The following PIBF1 variants were observed in gnomAD, a reference collection of about 807,000 sequenced individuals.
PIBF1 encodes progesterone immunomodulatory binding factor 1.
A neutral mutation model predicts 112.5 loss-of-function variants in PIBF1; 90 were observed. The ratio of observed to expected loss-of-function variants is 0.80; its 90% CI spans 0.67 to 0.95. PIBF1 has a LOEUF of 0.95. Ranked by LOEUF, PIBF1 falls within the 40% of genes least tolerant of loss-of-function variation. The pLI is 0.00. For missense variants in PIBF1, 915 were observed against 852.3 expected (o/e 1.07, Z -0.92); for synonymous variants, 301 against 288.6 (o/e 1.04, Z -0.44).
At chr13:73,011,232 A>G (rs1433113038) in intron 17 of PIBF1, among the ~76,000 whole-genome samples, 16 of 152,186 alleles carry the variant, frequency 1.1e-4, no homozygotes, top group Non-Finnish European at 1.5e-5. Context: ...CAGAGCAAAA[A>G]ATCCCATGGA....
chr13:72,985,426 G>T (rs1255170115), intron 16 of PIBF1, among the ~76,000 whole-genome samples: 1 of 148,434 alleles, frequency 6.7e-6, no homozygotes, highest in East Asian at 2.0e-4. Flanking sequence ...TGTAGTCCCA[G>T]CTACTTGGGA....
At chr13:72,951,048 C>G (rs1241179202) in intron 14 of PIBF1, among the ~76,000 whole-genome samples, 1 of 152,158 alleles carries the variant, frequency 6.6e-6, no homozygotes, top group Non-Finnish European at 1.5e-5. Context: ...AGGCAAAAAG[C>G]AATCAGATAT....
intron 14 of PIBF1, among the ~76,000 whole-genome samples, chr13:72,939,871 C>T (rs1167404975): frequency 6.6e-6 from 1 of 152,110 alleles, no homozygotes; most frequent in East Asian, 1.9e-4. Context: ...CTGCTTCACT[C>T]CCTTCTAGTT....
At chr13:72,914,160 C>T (rs912334026) in intron 12 of PIBF1, among the ~76,000 whole-genome samples, 6 of 152,064 alleles carry the variant, frequency 3.9e-5, no homozygotes, top group Admixed American at 6.6e-5. Context: ...TTTTCAAAGG[C>T]TTGCCATTTA....
chr13:72,877,645 A>G (rs965054331), intron 10 of PIBF1, among the ~76,000 whole-genome samples: 1 of 152,204 alleles, frequency 6.6e-6, no homozygotes, highest in South Asian at 2.1e-4. Context: ...CATTTTGTCT[A>G]ATTTATGAAG....
chr13:72,799,937 G>T (rs1187099649), intron 5 of PIBF1, among the ~76,000 whole-genome samples: 1 of 152,116 alleles, frequency 6.6e-6, no homozygotes, highest in Non-Finnish European at 1.5e-5. Context: ...AGAGTTTGTG[G>T]TTTTTCTGCC....
chr13:72,819,112 G>A (rs1181389251), intron 5 of PIBF1, among the ~76,000 whole-genome samples: 1 of 152,052 alleles, frequency 6.6e-6, no homozygotes, highest in Non-Finnish European at 1.5e-5. Flanking sequence ...AAAGAGTCTC[G>A]CCCTCAAGGG....
At chr13:72,970,428 C>T (rs142866628) in intron 15 of PIBF1, 12 of 152,288 alleles carry the variant, frequency 7.9e-5, no homozygotes, top group African/African-American at 2.9e-4. Context: ...TGTCAGTTCT[C>T]AGTTTATTCT....
intron 12 of PIBF1, among the ~76,000 whole-genome samples, chr13:72,914,437 A>G (rs1296132033): frequency 6.6e-6 from 1 of 151,456 alleles, no homozygotes; most frequent in Non-Finnish European, 1.5e-5. Flanking sequence ...CATCCTCATC[A>G]TACTTATAAC....
chr13:72,988,944 A>C (rs537373637), intron 16 of PIBF1, among the ~76,000 whole-genome samples: 38 of 152,310 alleles, frequency 2.5e-4, no homozygotes, highest in African/African-American at 8.7e-4. Flanking sequence ...AGGCTGAGGC[A>C]GGAGAATCAC....
Position 72,978,006 on chromosome 13 carries a change from T to C in PIBF1, c.2049+4331T>C, listed in dbSNP as rs536559963. On this transcript the variant is annotated intron_variant, in intron 16 of 17. Coordinates refer to ENST00000326291, the MANE Select transcript of PIBF1 (RefSeq NM_006346.4). ...GGTAAATATATTAGGTTAAAGGATT[T>C]ACACAACAAATACTAACTTAAAAAT... Among the ~76,000 whole-genome samples, 13 of 152,298 alleles carry C rather than the reference T, an allele frequency of 8.5e-5. No individual in the cohort carries two copies. In the East Asian group the frequency reaches 2.5e-3, roughly 29 times the overall value.
At chr13:72,832,071 CCTTTTT>C (rs2037146490) in intron 8 of PIBF1, among the ~76,000 whole-genome samples, 1 of 59,492 alleles carries the variant, frequency 1.7e-5, no homozygotes, top group Non-Finnish European at 3.3e-5. Flanking sequence ...GCAATTCCGG[CCTTTTT>C]TTTTTTTTTT....
chr13:72,883,766 G>A (rs1335066403), intron 10 of PIBF1, among the ~76,000 whole-genome samples: 2 of 152,152 alleles, frequency 1.3e-5, no homozygotes, highest in African/African-American at 4.8e-5. Context: ...GGAATTACAA[G>A]CGTGAGTCAC....
intron 5 of PIBF1, among the ~76,000 whole-genome samples, chr13:72,808,751 C>G (rs957033345): frequency 6.6e-6 from 1 of 152,136 alleles, no homozygotes; most frequent in African/African-American, 2.4e-5. Context: ...AGCTGCAGTT[C>G]CCATAAATAC....
At position 72,884,039 on chromosome 13, in the gene PIBF1, C is replaced by A. The variant is rs1015670933; in HGVS notation, c.1323-9745C>A. Among the ~76,000 whole-genome samples the A allele has an allele frequency of 9.9e-5, 15 of 152,022 alleles. 1 individual carries two copies. On this transcript the variant is annotated intron_variant, in intron 10 of 17. Coordinates refer to ENST00000326291, the MANE Select transcript of PIBF1 (RefSeq NM_006346.4). ...TTGAAGTAATGGATACCTCATTTACCCTGATGGAATTATTACACATTGTAT... is the reference window on the plus strand; with the variant it reads ...TTGAAGTAATGGATACCTCATTTACACTGATGGAATTATTACACATTGTAT...
chr13:72,845,221 T>C (rs1292655443), intron 9 of PIBF1, among the ~76,000 whole-genome samples: 2 of 151,894 alleles, frequency 1.3e-5, no homozygotes, highest in Admixed American at 6.6e-5. Flanking sequence ...CTCCCACTTA[T>C]GAGTGAGAAT....
At chr13:72,985,002 C>T (rs975849071) in intron 16 of PIBF1, among the ~76,000 whole-genome samples, 6 of 152,010 alleles carry the variant, frequency 3.9e-5, no homozygotes, top group African/African-American at 7.2e-5. Context: ...ATTTTAGAAG[C>T]TTGTGATATG....
chr13:72,792,789 G>A (rs889587239), intron 3 of PIBF1, among the ~76,000 whole-genome samples: 9 of 152,068 alleles, frequency 5.9e-5, no homozygotes, highest in Non-Finnish European at 1.2e-4. Context: ...ATATGATAAA[G>A]GAAGCTCTCT....
chr13:72,925,865 A>G (rs971074167), intron 13 of PIBF1, among the ~76,000 whole-genome samples: 2 of 151,874 alleles, frequency 1.3e-5, no homozygotes, highest in Non-Finnish European at 2.9e-5. Context: ...TCATGACAAA[A>G]CTGAAATGGT....
Sources: gnomAD v4.1 joint callset for allele counts (sites outside exome capture counted in the v4.1 genomes callset) on GRCh38, gnomAD v4.1.1 for gene constraint, MANE v1.5 for transcripts, NCBI Gene and HGNC (gene_info 2026-07-23, HGNC 2026-07-21) for gene names.